The following NREP variants were observed in gnomAD, a reference collection of about 807,000 sequenced individuals.
The protein encoded by NREP is neuronal regeneration related protein.
NREP carries 5 observed loss-of-function variants against 8.6 expected under a neutral mutation model. That is an observed-to-expected ratio of 0.58 (90% CI 0.30 to 1.22). NREP has a LOEUF of 1.22. Among genes scored for constraint, NREP ranks in the 50% most tolerant of loss-of-function variants. The pLI, the probability that NREP is intolerant of heterozygous loss-of-function variation, is 0.07. For synonymous variants in NREP, 27 were observed against 28.0 expected (o/e 0.96, Z 0.11); for missense variants, 86 against 82.5 (o/e 1.04, Z -0.17).
rs527287411 is a variant in NREP at position 111,964,577 on chromosome 5, C to T, written c.135+10697G>A. Reference sequence around the variant, plus strand: ...TAGAGGTGGGGTTTGCCCATGTTGGCCAGGCTGGTCTAGTACTCCTGGCCT... The same window carrying T: ...TAGAGGTGGGGTTTGCCCATGTTGGTCAGGCTGGTCTAGTACTCCTGGCCT... On this transcript the variant is annotated intron_variant, in intron 2 of 3. Coordinates refer to the NREP transcript ENST00000395634. Among the ~76,000 whole-genome samples, 4 of 151,950 alleles carry T rather than the reference C, an allele frequency of 2.6e-5. No homozygotes were observed. The South Asian group carries it at 8.3e-4, about 32-fold the overall frequency.
At chr5:111,899,802 T>G (rs1054373472) in intron 2 of NREP, among the ~76,000 whole-genome samples, 4 of 152,210 alleles carry the variant, frequency 2.6e-5, no homozygotes, top group African/African-American at 9.6e-5. Flanking sequence ...CACTAGAGCA[T>G]GTAGATGAAT....
At chr5:111,734,477 C>A in intron 3 of NREP, 2 of 367,528 alleles carry the variant, frequency 5.4e-6, no homozygotes, top group Non-Finnish European at 9.8e-6. Flanking sequence ...TGATTTCAAC[C>A]TTGACCTTCA....
At chr5:111,946,074 T>TCTCACACACACA (rs148245048) in intron 2 of NREP, among the ~76,000 whole-genome samples, 2 of 126,822 alleles carry the variant, frequency 1.6e-5, no homozygotes, top group African/African-American at 5.7e-5. Context: ...GAGATTTTGA[T>TCTCACACACACA]CACACACACA....
At chr5:111,753,023 A>T (rs566482811) in intron 2 of NREP, among the ~76,000 whole-genome samples, 15 of 152,170 alleles carry the variant, frequency 9.9e-5, no homozygotes, top group Non-Finnish European at 2.1e-4. Context: ...AATGTAAATT[A>T]AAGAAATGCT....
intron 2 of NREP, among the ~76,000 whole-genome samples, chr5:111,801,954 G>T (rs774480885): frequency 1.3e-5 from 2 of 152,108 alleles, no homozygotes; most frequent in African/African-American, 2.4e-5. Flanking sequence ...ATGGGACTCT[G>T]CAAATGACAT....
intron 2 of NREP, among the ~76,000 whole-genome samples, chr5:111,913,209 G>A (rs372780030): frequency 7.2e-5 from 11 of 152,154 alleles, no homozygotes; most frequent in Admixed American, 2.0e-4. Context: ...AAATGAATAG[G>A]AGTCATGGAT....
chr5:111,907,153 C>G (rs950684587), intron 2 of NREP, among the ~76,000 whole-genome samples: 1 of 151,992 alleles, frequency 6.6e-6, no homozygotes, highest in Non-Finnish European at 1.5e-5. Flanking sequence ...CTTTTCATTC[C>G]CTTAACAGTG....
intron 2 of NREP, among the ~76,000 whole-genome samples, chr5:111,898,451 C>A (rs571737571): frequency 9.3e-4 from 141 of 152,166 alleles, no homozygotes; most frequent in African/African-American, 3.2e-3. Flanking sequence ...GACGGGGAAA[C>A]GTAAATGTAC....
At chr5:111,929,497 G>A (rs1270454655) in intron 2 of NREP, among the ~76,000 whole-genome samples, 3 of 152,192 alleles carry the variant, frequency 2.0e-5, no homozygotes, top group African/African-American at 7.2e-5. Flanking sequence ...TGTACCACAT[G>A]TTCTAAAGCT....
chr5:111,743,905 T>C (rs1749835783), intron 2 of NREP, among the ~76,000 whole-genome samples: 1 of 152,132 alleles, frequency 6.6e-6, no homozygotes. Context: ...CACTAAAATC[T>C]TATGAAAATT....
rs144094569 is a variant in NREP at position 111,825,212 on chromosome 5, G to A, written c.136-89705C>T. Reference sequence around the variant, plus strand: ...AAACTCAAATAAATAAATAAATATAGAAAAATAAATAAATAAATAAAACTC... The same window carrying A: ...AAACTCAAATAAATAAATAAATATAAAAAAATAAATAAATAAATAAAACTC... On this transcript the variant is annotated intron_variant, in intron 2 of 3. Coordinates refer to the NREP transcript ENST00000395634. Among the ~76,000 whole-genome samples, 653 of 151,884 alleles carry A rather than the reference G, an allele frequency of 4.3e-3. 3 individuals carry two copies. Among genetic ancestry groups the A allele is most frequent in the African/African-American group, 0.014 (600 of 41,482 alleles).
chr5:111,842,916 C>T (rs1017327576), intron 2 of NREP, among the ~76,000 whole-genome samples: 5 of 152,148 alleles, frequency 3.3e-5, no homozygotes, highest in African/African-American at 1.2e-4. Context: ...GCTAAGAAAT[C>T]CACGGATAGT....
intron 2 of NREP, among the ~76,000 whole-genome samples, chr5:111,903,249 T>C (rs1251105747): frequency 6.6e-6 from 1 of 151,918 alleles, no homozygotes; most frequent in Non-Finnish European, 1.5e-5. Context: ...CATGCCTGAC[T>C]AATTTTTGTA....
intron 1 of NREP, chr5:111,975,515 G>T (rs1401219396): frequency 3.1e-6 from 2 of 639,472 alleles, no homozygotes; most frequent in East Asian, 5.5e-5. Flanking sequence ...GACTGGCCAG[G>T]GTATAGGATC....
At chr5:111,826,790 C>A (rs1287546350) in intron 2 of NREP, among the ~76,000 whole-genome samples, 1 of 152,170 alleles carries the variant, frequency 6.6e-6, no homozygotes, top group African/African-American at 2.4e-5. Flanking sequence ...CTGTCTTGGC[C>A]TCCCAAAGTG....
intron 2 of NREP, among the ~76,000 whole-genome samples, chr5:111,888,795 G>C (rs11954272): frequency 0.21 from 31,770 of 152,114 alleles, 4,964 homozygotes; most frequent in African/African-American, 0.43. Flanking sequence ...GGATTGAGCT[G>C]TATTTCAAAT....
chr5:111,813,867 C>A (rs1752323303), intron 2 of NREP, among the ~76,000 whole-genome samples: 1 of 152,022 alleles, frequency 6.6e-6, no homozygotes, highest in African/African-American at 2.4e-5. Context: ...TTTCTTAATT[C>A]TTTTGGTATA....
rs79742144 is a variant in NREP at position 111,800,272 on chromosome 5, G to T, written c.136-64765C>A. Among the ~76,000 whole-genome samples, 1,390 of 152,196 alleles carry T rather than the reference G, an allele frequency of 9.1e-3. 10 individuals are homozygous for T. Among genetic ancestry groups the T allele is most frequent in the Non-Finnish European group, 0.012 (832 of 68,012 alleles). ...GAATAAACTAGCAGAAAACTTATTG[G>T]CATTTTCATTATTTAAAGAATTTCA... On this transcript the variant is annotated intron_variant, in intron 2 of 3. Coordinates refer to the NREP transcript ENST00000395634.
intron 2 of NREP, among the ~76,000 whole-genome samples, chr5:111,745,904 G>A (rs1468139249): frequency 6.6e-6 from 1 of 152,130 alleles, no homozygotes; most frequent in Non-Finnish European, 1.5e-5. Flanking sequence ...CAGTTCTAAA[G>A]ATGGACAAAT....
Sources: gnomAD v4.1 joint callset for allele counts (sites outside exome capture counted in the v4.1 genomes callset) on GRCh38, gnomAD v4.1.1 for gene constraint, MANE v1.5 for transcripts, NCBI Gene and HGNC (gene_info 2026-07-23, HGNC 2026-07-21) for gene names.